HMGCLL1: variants seen among roughly 807,000 people sequenced by gnomAD.
HMGCLL1 encodes the protein 3-hydroxymethyl-3-methylglutaryl-CoA lyase, cytoplasmic.
HMGCLL1 carries 36 observed loss-of-function variants against 39.1 expected under a neutral mutation model. That is an observed-to-expected ratio of 0.92 (90% CI 0.71 to 1.22). HMGCLL1 has a LOEUF of 1.22. Among genes scored for constraint, HMGCLL1 ranks in the 50% most tolerant of loss-of-function variants. The pLI is 0.00. For synonymous variants in HMGCLL1, 149 were observed against 144.0 expected (o/e 1.03, Z -0.25); for missense variants, 451 against 416.5 (o/e 1.08, Z -0.72).
Position 55,579,086 on chromosome 6 carries a change from G to C in HMGCLL1, c.-31C>G, listed in dbSNP as rs755689770. On this transcript the variant is annotated 5_prime_UTR_variant, in exon 1 of 9. Transcript: ENST00000274901. Reference sequence around the variant, plus strand: ...AGCCTGGGGCGGCAGTCGGCGAGGGGAGGGAGACTGGAGGAGGATGAGGGG... The same window carrying C: ...AGCCTGGGGCGGCAGTCGGCGAGGGCAGGGAGACTGGAGGAGGATGAGGGG... 4 of 1,526,330 alleles carry C rather than the reference G, an allele frequency of 2.6e-6. No homozygotes were observed. Among genetic ancestry groups the C allele is most frequent in the South Asian group, 1.2e-5 (1 of 86,670 alleles). 94.5% of individuals were successfully genotyped at this position (1,526,330 alleles called of 1,614,324 possible).
At chr6:55,620,880 G>A in the HMGCLL1 span, among the ~76,000 whole-genome samples, 1 of 152,074 alleles carries the variant, frequency 6.6e-6, no homozygotes, top group Non-Finnish European at 1.5e-5. Flanking sequence ...TGATGAAGCT[G>A]TCCTTTCTCC....
chr6:55,608,642 A>C, the HMGCLL1 span, among the ~76,000 whole-genome samples: 1 of 151,848 alleles, frequency 6.6e-6, no homozygotes, highest in Non-Finnish European at 1.5e-5. Flanking sequence ...TATGAAAATT[A>C]AGAAAAAAGA....
the HMGCLL1 span, among the ~76,000 whole-genome samples, chr6:55,650,546 T>C: frequency 2.6e-5 from 4 of 152,098 alleles, no homozygotes; most frequent in South Asian, 8.3e-4. Context: ...TGGCCACCAG[T>C]ACTGGAGGTG....
At chr6:55,524,084 T>C (rs1768182937) in intron 3 of HMGCLL1, among the ~76,000 whole-genome samples, 1 of 151,912 alleles carries the variant, frequency 6.6e-6, no homozygotes, top group South Asian at 2.1e-4. Flanking sequence ...ATCAAAGTAT[T>C]AGATTACATC....
the HMGCLL1 span, among the ~76,000 whole-genome samples, chr6:55,650,363 A>C: frequency 6.6e-6 from 1 of 151,562 alleles, no homozygotes; most frequent in South Asian, 2.1e-4. Flanking sequence ...CTTGGTCCCC[A>C]AGCCTAACAC....
intron 6 of HMGCLL1, among the ~76,000 whole-genome samples, chr6:55,497,180 T>G (rs572143207): frequency 6.6e-6 from 1 of 152,278 alleles, no homozygotes; most frequent in East Asian, 1.9e-4. Flanking sequence ...GGTCTGAATT[T>G]AAATCTCAGC....
At chr6:55,464,597 A>AC (rs79725882) in intron 7 of HMGCLL1, among the ~76,000 whole-genome samples, 31,247 of 152,060 alleles carry the variant, frequency 0.21, 4,066 homozygotes, top group African/African-American at 0.38. Context: ...TGATTAAACA[A>AC]GTCTCCTTGT....
chr6:55,563,236 T>C (rs1013423070), intron 1 of HMGCLL1, among the ~76,000 whole-genome samples: 1 of 152,126 alleles, frequency 6.6e-6, no homozygotes, highest in Admixed American at 6.6e-5. Context: ...TAAGAAATTA[T>C]AAATTAGTGA....
chr6:55,532,631 T>A (rs1181206558), intron 3 of HMGCLL1, among the ~76,000 whole-genome samples: 2 of 151,822 alleles, frequency 1.3e-5, no homozygotes, highest in African/African-American at 2.4e-5. Flanking sequence ...TGAAACCTCG[T>A]CTGTACTAAA....
At chr6:55,633,053 A>G in the HMGCLL1 span, among the ~76,000 whole-genome samples, 1 of 152,096 alleles carries the variant, frequency 6.6e-6, no homozygotes, top group Non-Finnish European at 1.5e-5. Context: ...CATGGGATAA[A>G]AATTGTATTA....
chr6:55,454,160 A>T (rs1190716182), intron 7 of HMGCLL1, among the ~76,000 whole-genome samples: 1 of 152,160 alleles, frequency 6.6e-6, no homozygotes, highest in African/African-American at 2.4e-5. Flanking sequence ...TTGTAACTCA[A>T]ATAATTGGAC....
chr6:55,599,986 T>A, the HMGCLL1 span, among the ~76,000 whole-genome samples: 1 of 152,230 alleles, frequency 6.6e-6, no homozygotes, highest in East Asian at 1.9e-4. Flanking sequence ...TAGATATTTT[T>A]ATGTTGAAAT....
intron 7 of HMGCLL1, among the ~76,000 whole-genome samples, chr6:55,487,897 G>A (rs536527774): frequency 6.6e-6 from 1 of 151,852 alleles, no homozygotes; most frequent in Non-Finnish European, 1.5e-5. Flanking sequence ...ATCTCCTCTG[G>A]GTTATTATGA....
intron 1 of HMGCLL1, among the ~76,000 whole-genome samples, chr6:55,570,662 T>C (rs1280342254): frequency 6.6e-6 from 1 of 152,156 alleles, no homozygotes; most frequent in East Asian, 1.9e-4. Context: ...CATCCAATAT[T>C]TGGTTTTCAG....
At chr6:55,613,304 G>A in the HMGCLL1 span, among the ~76,000 whole-genome samples, 1 of 152,204 alleles carries the variant, frequency 6.6e-6, no homozygotes, top group Non-Finnish European at 1.5e-5. Context: ...ACAGATGCTT[G>A]TGAGGCTGTG....
chr6:55,670,353 A>T, the HMGCLL1 span, among the ~76,000 whole-genome samples: 2 of 151,562 alleles, frequency 1.3e-5, no homozygotes, highest in African/African-American at 4.8e-5. Flanking sequence ...AAGAATTGTT[A>T]AAAAAAAGTA....
the HMGCLL1 span, among the ~76,000 whole-genome samples, chr6:55,655,571 G>GATAGATAGATAGAT: frequency 6.6e-6 from 1 of 151,768 alleles, no homozygotes; most frequent in African/African-American, 2.4e-5. Flanking sequence ...TAGATAGATA[G>GATAGATAGATAGAT]ATAGATATCC....
chr6:55,577,131 C>A (rs746128891), intron 1 of HMGCLL1: 1 of 1,608,956 alleles, frequency 6.2e-7, no homozygotes, highest in South Asian at 1.1e-5. Flanking sequence ...CCAGAGACAT[C>A]GGGCTGAAAG....
At chr6:55,662,377 A>G in the HMGCLL1 span, among the ~76,000 whole-genome samples, 1 of 151,836 alleles carries the variant, frequency 6.6e-6, no homozygotes, top group Non-Finnish European at 1.5e-5. Flanking sequence ...TAGTTTACCA[A>G]GAGTTTTTAA....
Sources: gnomAD v4.1 joint callset for allele counts (sites outside exome capture counted in the v4.1 genomes callset) on GRCh38, gnomAD v4.1.1 for gene constraint, MANE v1.5 for transcripts, NCBI Gene and HGNC (gene_info 2026-07-23, HGNC 2026-07-21) for gene names.